Variants in SOX5 observed in about 807,000 individuals in gnomAD.
SOX5 encodes the protein transcription factor SOX-5.
SOX5 carries 9 observed loss-of-function variants against 92.0 expected under a neutral mutation model. The ratio of observed to expected loss-of-function variants is 0.10; its 90% CI spans 0.06 to 0.17. The LOEUF is 0.17. Among genes scored for constraint, SOX5 ranks in the 10% least tolerant of loss-of-function variants. SOX5 has a pLI of 1.00. For missense variants in SOX5, 642 were observed against 944.5 expected, an observed-to-expected ratio of 0.68 and a Z score of 4.20; for synonymous variants, 344 against 336.3, an observed-to-expected ratio of 1.02 and a Z score of -0.25.
At chr12:24,224,345 CTT>C (rs555385034) in intron 3 of SOX5, among the ~76,000 whole-genome samples, 1 of 147,314 alleles carries the variant, frequency 6.8e-6, no homozygotes, top group African/African-American at 2.5e-5. Flanking sequence ...TTTTTTCTTT[CTT>C]TTTTTTTTCG....
At chr12:23,655,176 G>C (rs2082157803) in intron 7 of SOX5, among the ~76,000 whole-genome samples, 1 of 152,042 alleles carries the variant, frequency 6.6e-6, no homozygotes. Context: ...ATTGGAGAAT[G>C]TGATTATCAA....
chr12:23,921,189 T>C lies in SOX5; in HGVS notation c.39-25165A>G, dbSNP rs368735409. Among the ~76,000 whole-genome samples the C allele has an allele frequency of 5.3e-5, 8 of 152,120 alleles. 1 individual carries two copies. Among genetic ancestry groups the C allele is most frequent in the Admixed American group, 3.9e-4 (6 of 15,270 alleles). On this transcript the variant is annotated intron_variant, in intron 1 of 14. Coordinates refer to ENST00000451604, the MANE Select transcript of SOX5 (RefSeq NM_006940.6). ...AGCCTAATAAAGAAGTACAAAATAATCAACAGGAGCAGTGCATCAATCAGA... is the reference window on the plus strand; with the variant it reads ...AGCCTAATAAAGAAGTACAAAATAACCAACAGGAGCAGTGCATCAATCAGA...
chr12:24,357,806 A>T (rs1595893354), intron 2 of SOX5, among the ~76,000 whole-genome samples: 1 of 147,394 alleles, frequency 6.8e-6, no homozygotes, highest in Non-Finnish European at 1.5e-5. Flanking sequence ...GTGCGACTGC[A>T]CTCCAGCCTG....
At chr12:24,129,021 A>C (rs1949387186) in intron 4 of SOX5, among the ~76,000 whole-genome samples, 1 of 152,198 alleles carries the variant, frequency 6.6e-6, no homozygotes, top group African/African-American at 2.4e-5. Context: ...AAACGCAATT[A>C]TGCACATTTA....
At chr12:24,209,409 AAAAGG>A (rs1182053540) in intron 4 of SOX5, among the ~76,000 whole-genome samples, 1 of 152,228 alleles carries the variant, frequency 6.6e-6, no homozygotes, top group Non-Finnish European at 1.5e-5. Flanking sequence ...CTTATGACTG[AAAAGG>A]AAAGAATTTA....
In SOX5 at chr12:24,522,078, T is replaced by C. The variant is rs1950309817; in HGVS notation, c.-251+40251A>G. Among the ~76,000 whole-genome samples the C allele has an allele frequency of 2.7e-5, 4 of 148,998 alleles. No individual in the cohort carries two copies. The South Asian group carries it at 6.5e-4, about 24-fold the overall frequency. ...GAGAGAGAAGACCCAAAATCAGAAA[T>C]AAAGGAAGAGACATTACAATGAATG... On this transcript the variant is annotated intron_variant, in intron 1 of 4. Coordinates refer to the SOX5 transcript ENST00000446891.
chr12:24,294,363 T>C (rs1451416308), intron 2 of SOX5, among the ~76,000 whole-genome samples: 1 of 152,082 alleles, frequency 6.6e-6, no homozygotes, highest in Non-Finnish European at 1.5e-5. Flanking sequence ...TTCTCTTCTC[T>C]CTACCAGATT....
intron 12 of SOX5, 50 bp downstream of exon 12, chr12:23,546,266 C>G: frequency 9.4e-7 from 1 of 1,065,718 alleles, no homozygotes; most frequent in Non-Finnish European, 1.4e-6. Flanking sequence ...TTGGCACTAC[C>G]TAGACACTTT....
intron 1 of SOX5, among the ~76,000 whole-genome samples, chr12:24,507,503 A>C (rs1948909507): frequency 6.6e-6 from 1 of 152,136 alleles, no homozygotes; most frequent in Admixed American, 6.5e-5. Context: ...AAAGAGGAGA[A>C]CTGTCCTCAA....
At chr12:24,392,461 C>G (rs1959089810) in intron 1 of SOX5, among the ~76,000 whole-genome samples, 1 of 152,120 alleles carries the variant, frequency 6.6e-6, no homozygotes, top group African/African-American at 2.4e-5. Context: ...AGTGTCTCTT[C>G]TGGGTTTTTG....
At chr12:24,115,628 T>G (rs1175230195) in intron 4 of SOX5, among the ~76,000 whole-genome samples, 1 of 151,962 alleles carries the variant, frequency 6.6e-6, no homozygotes, top group African/African-American at 2.4e-5. Flanking sequence ...AATTGAAGAT[T>G]TGATAAAGGC....
intron 2 of SOX5, among the ~76,000 whole-genome samples, chr12:23,863,981 T>C (rs1200047620): frequency 1.0e-5 from 1 of 97,262 alleles, no homozygotes; most frequent in Non-Finnish European, 2.4e-5. Context: ...CAAATATAGC[T>C]TTTTTTTTTT....
chr12:24,078,683 C>T (rs1942953252), intron 4 of SOX5, among the ~76,000 whole-genome samples: 1 of 151,974 alleles, frequency 6.6e-6, no homozygotes, highest in African/African-American at 2.4e-5. Context: ...ATGGTAAGAA[C>T]CTCAAGTAAG....
chr12:24,412,019 G>T (rs1343808860), intron 1 of SOX5, among the ~76,000 whole-genome samples: 1 of 152,080 alleles, frequency 6.6e-6, no homozygotes, highest in Admixed American at 6.5e-5. Flanking sequence ...CATGTTTTTT[G>T]AGGATTGGAT....
chr12:24,515,340 T>C (rs1043431733), intron 1 of SOX5, among the ~76,000 whole-genome samples: 1 of 152,228 alleles, frequency 6.6e-6, no homozygotes, highest in African/African-American at 2.4e-5. Context: ...TTCATACATG[T>C]AAAGTATTTA....
chr12:24,556,236 C>T (rs945957375), intron 1 of SOX5, among the ~76,000 whole-genome samples: 6 of 152,208 alleles, frequency 3.9e-5, no homozygotes, highest in Middle Eastern at 3.2e-3. Flanking sequence ...TCAGGAACCC[C>T]AATTAATGCA....
intron 3 of SOX5, among the ~76,000 whole-genome samples, chr12:23,790,654 C>A (rs968259954): frequency 6.6e-6 from 1 of 151,964 alleles, no homozygotes; most frequent in African/African-American, 2.4e-5. Flanking sequence ...TCTATTATCA[C>A]TTCTATGTAA....
intron 4 of SOX5, among the ~76,000 whole-genome samples, chr12:24,095,146 GAGAGAGAGAGACAGAGAC>G (rs1945231648): frequency 1.3e-5 from 2 of 150,164 alleles, no homozygotes; most frequent in Admixed American, 1.3e-4. Flanking sequence ...GAGAGAGAGA[GAGAGAGAGAGACAGAGAC>G]AGAGAGACAG....
At chr12:24,097,008 T>A (rs1440528117) in intron 4 of SOX5, among the ~76,000 whole-genome samples, 1 of 152,166 alleles carries the variant, frequency 6.6e-6, no homozygotes, top group African/African-American at 2.4e-5. Flanking sequence ...GTTTGAGGGT[T>A]CTAATTTCTC....
Sources: gnomAD v4.1 joint callset for allele counts (sites outside exome capture counted in the v4.1 genomes callset) on GRCh38, gnomAD v4.1.1 for gene constraint, MANE v1.5 for transcripts, NCBI Gene and HGNC (gene_info 2026-07-23, HGNC 2026-07-21) for gene names.